The following DDX39A variants were observed in gnomAD, a reference collection of about 807,000 sequenced individuals.
The protein encoded by DDX39A is DExD-box helicase 39A.
Under a neutral mutation model 46.3 loss-of-function variants are expected in DDX39A, and 13 were observed. The ratio of observed to expected loss-of-function variants is 0.28; its 90% CI spans 0.18 to 0.45. The LOEUF (loss-of-function observed/expected upper bound fraction) is 0.45. Among genes scored for constraint, DDX39A ranks in the 20% least tolerant of loss-of-function variants. The pLI, the probability that DDX39A is intolerant of heterozygous loss-of-function variation, is 1.00. For synonymous variants in DDX39A, 234 were observed against 224.6 expected, an observed-to-expected ratio of 1.04 and a Z score of -0.38; for missense variants, 352 against 581.8, an observed-to-expected ratio of 0.61 and a Z score of 4.06.
At position 14,411,266 on chromosome 19, in the gene DDX39A, G is replaced by T; in HGVS notation, c.430-94C>A. 1 of 1,420,598 alleles carries T rather than the reference G, an allele frequency of 7.0e-7. No homozygotes were observed. The highest frequency in any genetic ancestry group is 9.5e-7 in the Non-Finnish European group (1 of 1,056,106). The allele number at this position is 1,420,598 out of a possible 1,614,324, so 88.0% of individuals were successfully genotyped here. A position where few individuals can be genotyped will look rare whatever the true frequency, so the allele number is the denominator to read the frequency against. On this transcript the variant is annotated intron_variant, in intron 4 of 10. Coordinates refer to ENST00000242776, the MANE Select transcript of DDX39A (RefSeq NM_005804.4). The surrounding 1 kb of genome is among the most constrained non-coding windows in gnomAD (Gnocchi z 4.1). ...CACCTGCGAACAGGAGGCCTCAGGG[G>T]ACCAAGGCAGGCCTGAGAGCCTCCC...
chr19:14,410,445 G>A lies in DDX39A; in HGVS notation c.614-111C>T, dbSNP rs1406952113. On this transcript the variant is annotated intron_variant, in intron 5 of 10. Transcript: ENST00000242776. This position sits in a 1 kb window ranked among gnomAD's most constrained non-coding sequence, Gnocchi z 4.3. The stretch of plus-strand genomic sequence containing the variant: ...CCTGTGCCAGGGAGCCAGTGGCACC[G>A]TGACGAGGGCAGAGTGAGCCGCGGG... 7.4e-6 allele frequency: 7 copies of A among 944,680 alleles called. No individual in the cohort carries two copies. Among genetic ancestry groups the A allele is most frequent in the Admixed American group, 1.8e-5 (1 of 54,376 alleles). 58.5% of individuals were successfully genotyped at this position (944,680 alleles called of 1,614,324 possible).
At chr19:14,418,705 G>A (rs547682172) in intron 1 of DDX39A, among the ~76,000 whole-genome samples, 6 of 152,056 alleles carry the variant, frequency 3.9e-5, no homozygotes, top group Admixed American at 6.6e-5. Flanking sequence ...CAAGTGATCC[G>A]CCCTCCTTGG....
At chr19:14,415,772 C>A (rs1235823482) in intron 1 of DDX39A, among the ~76,000 whole-genome samples, 1 of 151,834 alleles carries the variant, frequency 6.6e-6, no homozygotes, top group Non-Finnish European at 1.5e-5. Flanking sequence ...CCAGAAAGAC[C>A]CTATCAAACT....
Position 14,412,685 on chromosome 19 carries a change from G to C in DDX39A, c.209-7C>G. On this transcript the variant is annotated splice_region_variant and splice_polypyrimidine_tract_variant and intron_variant, in intron 2 of 10. Coordinates refer to ENST00000242776, the MANE Select transcript of DDX39A (RefSeq NM_005804.4). The surrounding 1 kb of genome is among the most constrained non-coding windows in gnomAD (Gnocchi z 4.4). ...GGAATGCACTCATGCTGGACTGCAG[G>C]AGAAGCAGAGCGTGAGGGACGAGAA... 1.3e-6 allele frequency: 2 copies of C among 1,599,992 alleles called. No individual in the cohort carries two copies. Among genetic ancestry groups the C allele is most frequent in the South Asian group, 2.2e-5 (2 of 90,638 alleles).
chr19:14,410,116 T>TC lies in DDX39A; in HGVS notation c.732+99dup. On this transcript the variant is annotated intron_variant, in intron 6 of 10. Transcript: ENST00000242776. This position sits in a 1 kb window ranked among gnomAD's most constrained non-coding sequence, Gnocchi z 4.3. ...AAGGAGGCTCCGCCGGCTCCCAGCA[T>TC]CCCAGCATCCTCCGTGCCATGTGGG... 8.4e-7 allele frequency: 1 copy of TC among 1,191,934 alleles called. No individual in the cohort carries two copies. The allele number at this position is 1,191,934 out of a possible 1,614,324, so 73.8% of individuals were successfully genotyped here. A position where few individuals can be genotyped will look rare whatever the true frequency, so the allele number is the denominator to read the frequency against.
At position 14,409,995 on chromosome 19, in the gene DDX39A, CCTCAGTAAACATCG is replaced by C; in HGVS notation, c.733-136_733-123del. 1 of 1,297,538 alleles carries C rather than the reference CCTCAGTAAACATCG, an allele frequency of 7.7e-7. No homozygotes were observed. Among genetic ancestry groups the C allele is most frequent in the Non-Finnish European group, 1.1e-6 (1 of 904,544 alleles). 80.4% of individuals were successfully genotyped at this position (1,297,538 alleles called of 1,614,324 possible). Reference sequence around the variant, plus strand: ...TTCCCAGAGGACCTGCTGCACCAGACCTCAGTAAACATCGCTCAAAAGCTGGATGTAAGCTCTGG... The same window carrying C: ...TTCCCAGAGGACCTGCTGCACCAGACCTCAAAAGCTGGATGTAAGCTCTGG... On this transcript the variant is annotated intron_variant, in intron 6 of 10. Transcript: ENST00000242776. This position sits in a 1 kb window ranked among gnomAD's most constrained non-coding sequence, Gnocchi z 8.3.
At chr19:14,415,167 T>C (rs1396419110) in intron 1 of DDX39A, among the ~76,000 whole-genome samples, 1 of 152,094 alleles carries the variant, frequency 6.6e-6, no homozygotes, top group Non-Finnish European at 1.5e-5. Flanking sequence ...ACTAATCTGC[T>C]TTCTGTTTCT....
chr19:14,411,474 G>C lies in DDX39A; in HGVS notation c.429+32C>G. ...CTAACAAAGCTGCAGAAACCAAGTG[G>C]CGCCTGGTCCAGTCTGGCCCGAGGG... On this transcript the variant is annotated intron_variant, in intron 4 of 10. Transcript: ENST00000242776. The surrounding 1 kb of genome is among the most constrained non-coding windows in gnomAD (Gnocchi z 4.1). The C allele has an allele frequency of 1.9e-6, 3 of 1,586,858 alleles. No individual in the cohort carries two copies. In the South Asian group the frequency reaches 3.3e-5, roughly 18 times the overall value.
chr19:14,414,950 A>G (rs1389537573), intron 1 of DDX39A, among the ~76,000 whole-genome samples: 5 of 151,730 alleles, frequency 3.3e-5, no homozygotes, highest in African/African-American at 1.2e-4. Flanking sequence ...AAAAAAAAAA[A>G]AAAAAAAGAA....
intron 1 of DDX39A, among the ~76,000 whole-genome samples, chr19:14,415,407 G>A (rs1032679547): frequency 1.3e-5 from 2 of 151,756 alleles, no homozygotes; most frequent in Non-Finnish European, 2.9e-5. Flanking sequence ...TCAATCAAGC[G>A]ATCTTCCCAC....
At position 14,409,272 on chromosome 19, in the gene DDX39A, G is replaced by A. The variant is rs769842789; in HGVS notation, c.1119+31C>T. ...GGCTGGGGCCCCACCCCACCGCCAG[G>A]GGAAAGCAACATGCCCGTGAGGCTG... On this transcript the variant is annotated intron_variant, in intron 9 of 10. Transcript: ENST00000242776. This position sits in a 1 kb window ranked among gnomAD's most constrained non-coding sequence, Gnocchi z 8.3. 7 of 1,613,574 alleles carry A rather than the reference G, an allele frequency of 4.3e-6. No homozygotes were observed. Among genetic ancestry groups the A allele is most frequent in the East Asian group, 4.5e-5 (2 of 44,882 alleles).
At chr19:14,416,419 T>C (rs1976811972) in intron 1 of DDX39A, 1 of 152,240 alleles carries the variant, frequency 6.6e-6, no homozygotes. Context: ...TGAGAACAGC[T>C]AATAAGCACT....
Position 14,412,788 on chromosome 19 carries a change from C to A in DDX39A, c.209-110G>T. On this transcript the variant is annotated intron_variant, in intron 2 of 10. Coordinates refer to ENST00000242776, the MANE Select transcript of DDX39A (RefSeq NM_005804.4). The surrounding 1 kb of genome is among the most constrained non-coding windows in gnomAD (Gnocchi z 4.4). ...GAGGGCAATCAGAAGAGGCCGAGTC[C>A]GGACAAGGCCACAGACACCTGCAGG... 6.9e-7 allele frequency: 1 copy of A among 1,445,756 alleles called. No individual in the cohort carries two copies. Among genetic ancestry groups the A allele is most frequent in the Middle Eastern group, 1.8e-4 (1 of 5,522 alleles). 89.6% of individuals were successfully genotyped at this position (1,445,756 alleles called of 1,614,324 possible). A position where few individuals can be genotyped will look rare whatever the true frequency, so the allele number is the denominator to read the frequency against.
intron 1 of DDX39A, among the ~76,000 whole-genome samples, chr19:14,414,955 AAAG>A: frequency 6.6e-6 from 1 of 151,582 alleles, no homozygotes; most frequent in Non-Finnish European, 1.5e-5. Context: ...AAAAAAAAAA[AAAG>A]AAAAGCTTCA....
intron 1 of DDX39A, among the ~76,000 whole-genome samples, chr19:14,418,566 T>C (rs1056168270): frequency 6.6e-6 from 1 of 151,978 alleles, no homozygotes; most frequent in Admixed American, 6.6e-5. Flanking sequence ...CAAGCGATTC[T>C]CGTGCCTCAG....
chr19:14,410,561 G>A lies in DDX39A; in HGVS notation c.614-227C>T. ...CAATCCACTTACACGCTGGCGCGGA[G>A]CAGCCGTGCCCGTGCGCCTCGAGCC... is the stretch of plus-strand genomic sequence containing the variant. On this transcript the variant is annotated intron_variant, in intron 5 of 10. Transcript: ENST00000242776. This position sits in a 1 kb window ranked among gnomAD's most constrained non-coding sequence, Gnocchi z 4.3. 1 of 568,200 alleles carries A rather than the reference G, an allele frequency of 1.8e-6. No homozygotes were observed. Among genetic ancestry groups the A allele is most frequent in the Non-Finnish European group, 3.2e-6 (1 of 314,790 alleles). 35.2% of individuals were successfully genotyped at this position (568,200 alleles called of 1,614,324 possible).
chr19:14,412,347 G>T lies in DDX39A; in HGVS notation c.336+204C>A. On this transcript the variant is annotated intron_variant, in intron 3 of 10. Coordinates refer to ENST00000242776, the MANE Select transcript of DDX39A (RefSeq NM_005804.4). The surrounding 1 kb of genome is among the most constrained non-coding windows in gnomAD (Gnocchi z 4.4). ...TTTTTGTTATAACTAATTATTTTTTGAGATGGAGTCTACCTCTGCCACCCA... is the reference window on the plus strand; with the variant it reads ...TTTTTGTTATAACTAATTATTTTTTTAGATGGAGTCTACCTCTGCCACCCA... 1.9e-6 allele frequency: 1 copy of T among 537,376 alleles called. No individual in the cohort carries two copies. Among genetic ancestry groups the T allele is most frequent in the Non-Finnish European group, 3.1e-6 (1 of 321,254 alleles). The allele number at this position is 537,376 out of a possible 1,614,324, so 33.3% of individuals were successfully genotyped here.
Position 14,411,227 on chromosome 19 carries a change from C to G in DDX39A, c.430-55G>C, listed in dbSNP as rs967744237. 6.6e-7 allele frequency: 1 copy of G among 1,520,554 alleles called. No individual in the cohort carries two copies. The highest frequency in any genetic ancestry group is 1.4e-5 in the African/African-American group (1 of 71,944). The allele number at this position is 1,520,554 out of a possible 1,614,324, so 94.2% of individuals were successfully genotyped here. On this transcript the variant is annotated intron_variant, in intron 4 of 10. Coordinates refer to ENST00000242776, the MANE Select transcript of DDX39A (RefSeq NM_005804.4). This position sits in a 1 kb window ranked among gnomAD's most constrained non-coding sequence, Gnocchi z 4.1. ...GCTGATACACGGCCCAAGGCCCCAA[C>G]CTGCACGGCCCAGCACCTGCGAACA... is the stretch of plus-strand genomic sequence containing the variant.
Position 14,412,416 on chromosome 19 carries a change from C to CT in DDX39A, c.336+134dup. On this transcript the variant is annotated intron_variant, in intron 3 of 10. Transcript: ENST00000242776. This position sits in a 1 kb window ranked among gnomAD's most constrained non-coding sequence, Gnocchi z 4.4. ...TGATCATAGCACACTGCAGCCTCGA[C>CT]TTCCTGGGCTCAAGCAATCCTCCAG... is the stretch of plus-strand genomic sequence containing the variant. 7.7e-7 allele frequency: 1 copy of CT among 1,291,564 alleles called. No individual in the cohort carries two copies. The highest frequency in any genetic ancestry group is 1.1e-6 in the Non-Finnish European group (1 of 943,266). 80.0% of individuals were successfully genotyped at this position (1,291,564 alleles called of 1,614,324 possible).
Sources: allele counts gnomAD v4.1 joint callset (sites outside exome capture counted in the v4.1 genomes callset), GRCh38; gene constraint gnomAD v4.1.1; non-coding constraint Gnocchi (gnomAD v3.1); transcripts MANE v1.5; gene names NCBI Gene and HGNC (gene_info 2026-07-23, HGNC 2026-07-21).